The following ZNF704 variants were observed in gnomAD, a reference collection of about 807,000 sequenced individuals.
The protein encoded by ZNF704 is zinc finger protein 704, also known as glucocorticoid induced gene 1.
A neutral mutation model predicts 44.7 loss-of-function variants in ZNF704; 10 were observed. The observed-to-expected ratio is 0.22, with a 90% CI of 0.14 to 0.38. ZNF704 has a LOEUF of 0.38. Ranked by LOEUF, ZNF704 falls within the 10% of genes least tolerant of loss-of-function variation. The probability of loss-of-function intolerance (pLI) is 1.00; values close to 1 mark genes in which losing one functional copy is unlikely to be tolerated. For missense variants in ZNF704, 390 were observed against 545.5 expected (o/e 0.71, Z 2.84); for synonymous variants, 211 against 207.6 (o/e 1.02, Z -0.14).
At chr8:80,739,416 G>A (rs2131690554) in intron 2 of ZNF704, among the ~76,000 whole-genome samples, 1 of 152,220 alleles carries the variant, frequency 6.6e-6, no homozygotes, top group South Asian at 2.1e-4. Context: ...CTTATTTGCT[G>A]TGTAGATGGA....
At chr8:80,642,090 C>T (rs985637423) in intron 8 of ZNF704, among the ~76,000 whole-genome samples, 1 of 152,182 alleles carries the variant, frequency 6.6e-6, no homozygotes, top group Non-Finnish European at 1.5e-5. Context: ...ATTTCTAGTA[C>T]AGCAGTCCCT....
At chr8:80,680,962 C>G (rs1440834277) in intron 4 of ZNF704, among the ~76,000 whole-genome samples, 1 of 152,192 alleles carries the variant, frequency 6.6e-6, no homozygotes, top group Non-Finnish European at 1.5e-5. Flanking sequence ...AATGGAATAA[C>G]CCAGAATGTA....
chr8:80,672,708 G>A (rs1818301587), intron 4 of ZNF704, among the ~76,000 whole-genome samples: 2 of 152,060 alleles, frequency 1.3e-5, no homozygotes, highest in South Asian at 2.1e-4. Context: ...GGAGCTAAAC[G>A]ATGGGTCCAC....
chr8:80,697,525 G>T (rs779379349), intron 2 of ZNF704, among the ~76,000 whole-genome samples: 1 of 152,182 alleles, frequency 6.6e-6, no homozygotes, highest in Non-Finnish European at 1.5e-5. Flanking sequence ...AGGCAGCAAC[G>T]GTAATGATTA....
intron 2 of ZNF704, among the ~76,000 whole-genome samples, chr8:80,767,742 T>C (rs1807251812): frequency 1.3e-5 from 2 of 152,222 alleles, no homozygotes; most frequent in Admixed American, 1.3e-4. Context: ...AGGTGTTCTC[T>C]TATAAGCACC....
the ZNF704 span, among the ~76,000 whole-genome samples, chr8:80,881,175 A>G: frequency 5.9e-5 from 9 of 152,372 alleles, no homozygotes; most frequent in African/African-American, 2.2e-4. Context: ...TTCATCCTAG[A>G]GGAACACTGT....
intron 2 of ZNF704, among the ~76,000 whole-genome samples, chr8:80,738,796 G>A (rs1196546262): frequency 6.6e-6 from 1 of 152,138 alleles, no homozygotes; most frequent in Non-Finnish European, 1.5e-5. Flanking sequence ...GTACTCAGCA[G>A]ATACTTATTG....
intron 2 of ZNF704, among the ~76,000 whole-genome samples, chr8:80,719,779 G>C (rs1373703101): frequency 6.6e-6 from 1 of 152,206 alleles, no homozygotes; most frequent in Non-Finnish European, 1.5e-5. Context: ...GCAGCTGGCA[G>C]AAGCAAGTTA....
chr8:80,754,774 G>C (rs1291853722), intron 2 of ZNF704, among the ~76,000 whole-genome samples: 1 of 152,194 alleles, frequency 6.6e-6, no homozygotes, highest in Non-Finnish European at 1.5e-5. Context: ...GAAGTGACAT[G>C]TGTTGCTTCT....
chr8:80,675,473 G>GTTTT (rs111402539), intron 4 of ZNF704, among the ~76,000 whole-genome samples: 1 of 147,524 alleles, frequency 6.8e-6, no homozygotes, highest in African/African-American at 2.5e-5. Flanking sequence ...GTTTTGTTTT[G>GTTTT]TTTTTTTTTT....
In ZNF704 at chr8:80,821,577, C is replaced by T; in HGVS notation, c.18G>A (p.Gln6=). ...CACAGTCACGTTTTAAGTCCTCTGA[C>T]TGAAATGTGAAGGTCATTTCCCGCT... MTFTF[Q]SEDLKRDCGK... Residue 6 remains glutamine (Q), a synonymous_variant, in exon 2 of 9, where the codon CAG becomes CAA. Transcript: ENST00000327835. 1.2e-6 allele frequency: 2 copies of T among 1,613,522 alleles called. No individual in the cohort carries two copies. The highest frequency in any genetic ancestry group is 1.1e-5 in the South Asian group (1 of 90,806).
intron 7 of ZNF704, among the ~76,000 whole-genome samples, chr8:80,651,955 A>G (rs1817927405): frequency 1.3e-5 from 2 of 152,008 alleles, no homozygotes; most frequent in Admixed American, 6.6e-5. Context: ...AACAGAAATT[A>G]TAACAAACTG....
chr8:80,792,427 A>G (rs1487689735), intron 2 of ZNF704, among the ~76,000 whole-genome samples: 7 of 152,200 alleles, frequency 4.6e-5, no homozygotes, highest in Non-Finnish European at 2.9e-5. Flanking sequence ...ATACTCTAAC[A>G]TGACCCCCAA....
At chr8:80,865,520 T>G (rs377111012) in intron 1 of ZNF704, among the ~76,000 whole-genome samples, 1 of 152,232 alleles carries the variant, frequency 6.6e-6, no homozygotes, top group Admixed American at 6.5e-5. Context: ...ACTAAAATTA[T>G]CCTTTCTGCA....
chr8:80,840,748 C>G (rs182108068), intron 1 of ZNF704, among the ~76,000 whole-genome samples: 1 of 152,152 alleles, frequency 6.6e-6, no homozygotes, highest in African/African-American at 2.4e-5. Flanking sequence ...AACAACAAAA[C>G]CAAACCAAAA....
the ZNF704 span, among the ~76,000 whole-genome samples, chr8:80,880,031 G>A: frequency 1.3e-4 from 20 of 152,156 alleles, no homozygotes; most frequent in South Asian, 4.1e-4. Flanking sequence ...GTGGTCCTCT[G>A]TCTTTCTGTC....
chr8:80,811,743 T>C (rs1315852658), intron 2 of ZNF704, among the ~76,000 whole-genome samples: 1 of 152,190 alleles, frequency 6.6e-6, no homozygotes, highest in Non-Finnish European at 1.5e-5. Context: ...GTGAATTGTG[T>C]ACAAGGGGCT....
intron 2 of ZNF704, among the ~76,000 whole-genome samples, chr8:80,807,536 C>A (rs909177069): frequency 6.6e-6 from 1 of 151,756 alleles, no homozygotes; most frequent in African/African-American, 2.4e-5. Flanking sequence ...AATTGACCCC[C>A]CCCAAAAAAA....
intron 2 of ZNF704, among the ~76,000 whole-genome samples, chr8:80,754,220 A>C (rs1806997375): frequency 1.3e-5 from 2 of 152,262 alleles, no homozygotes; most frequent in Admixed American, 6.5e-5. Context: ...ACTGCTCAGA[A>C]ATGTAGAATA....
Sources: allele counts gnomAD v4.1 joint callset (sites outside exome capture counted in the v4.1 genomes callset), GRCh38; gene constraint gnomAD v4.1.1; transcripts MANE v1.5; gene names NCBI Gene and HGNC (gene_info 2026-07-23, HGNC 2026-07-21).